The following TSHZ2 variants were observed in gnomAD, a reference collection of about 807,000 sequenced individuals.
TSHZ2 encodes the protein teashirt homolog 2.
Under a neutral mutation model 74.4 loss-of-function variants are expected in TSHZ2, and 21 were observed. The ratio of observed to expected loss-of-function variants is 0.28; its 90% CI spans 0.20 to 0.41. TSHZ2 has a LOEUF of 0.41. Among genes scored for constraint, TSHZ2 ranks in the 10% least tolerant of loss-of-function variants. The pLI is 1.00. For missense variants in TSHZ2, 1,244 were observed against 1,293.5 expected (o/e 0.96, Z 0.59); for synonymous variants, 540 against 515.3 (o/e 1.05, Z -0.65).
chr20:53,284,366 G>C (rs1991123399), intron 2 of TSHZ2, among the ~76,000 whole-genome samples: 1 of 152,164 alleles, frequency 6.6e-6, no homozygotes, highest in Non-Finnish European at 1.5e-5. Flanking sequence ...ACATAAATAT[G>C]CTGGCATAGC....
intron 1 of TSHZ2, among the ~76,000 whole-genome samples, chr20:53,193,692 C>T (rs1418878957): frequency 6.6e-6 from 1 of 152,206 alleles, no homozygotes; most frequent in Non-Finnish European, 1.5e-5. Flanking sequence ...TGGTCTACAG[C>T]CTGGCAGGGG....
At chr20:52,991,279 C>T (rs57480183) in intron 1 of TSHZ2, among the ~76,000 whole-genome samples, 2 of 111,792 alleles carry the variant, frequency 1.8e-5, no homozygotes, top group African/African-American at 3.6e-5. Flanking sequence ...TTTTCTGATG[C>T]ATGATTTTGT....
At chr20:53,238,740 T>C (rs1989995873) in intron 1 of TSHZ2, among the ~76,000 whole-genome samples, 1 of 151,656 alleles carries the variant, frequency 6.6e-6, no homozygotes, top group African/African-American at 2.4e-5. Context: ...AGAATCTCTG[T>C]TCTGTTGTCT....
intron 1 of TSHZ2, among the ~76,000 whole-genome samples, chr20:53,080,681 G>A (rs576585896): frequency 1.3e-5 from 2 of 152,294 alleles, no homozygotes; most frequent in African/African-American, 4.8e-5. Context: ...CCTGCTGACA[G>A]AAGGCAGAGT....
intron 1 of TSHZ2, among the ~76,000 whole-genome samples, chr20:53,211,127 C>T (rs186710320): frequency 6.6e-6 from 1 of 152,308 alleles, no homozygotes; most frequent in East Asian, 1.9e-4. Flanking sequence ...AAGCACATTA[C>T]TTGAATTGAG....
intron 2 of TSHZ2, among the ~76,000 whole-genome samples, chr20:53,308,387 C>G (rs895839791): frequency 6.6e-6 from 1 of 151,888 alleles, no homozygotes; most frequent in Non-Finnish European, 1.5e-5. Context: ...GTAATCCTGC[C>G]GTGTTGAAAG....
intron 1 of TSHZ2, among the ~76,000 whole-genome samples, chr20:53,080,212 C>T (rs1406319215): frequency 6.6e-6 from 1 of 152,174 alleles, no homozygotes; most frequent in African/African-American, 2.4e-5. Context: ...AATTGGTCTG[C>T]CCTTCCCTGG....
chr20:53,045,790 A>G (rs1984207935), intron 1 of TSHZ2, among the ~76,000 whole-genome samples: 1 of 152,216 alleles, frequency 6.6e-6, no homozygotes, highest in South Asian at 2.1e-4. Context: ...GAGAAAATCC[A>G]TATAAAGCAC....
chr20:52,978,049 G>A (rs1320568226), intron 1 of TSHZ2, among the ~76,000 whole-genome samples: 2 of 152,138 alleles, frequency 1.3e-5, no homozygotes, highest in South Asian at 2.1e-4. Context: ...TTAGGAGGTC[G>A]GTCCCTGAAG....
chr20:53,470,610 G>A (rs1021388630), intron 2 of TSHZ2, among the ~76,000 whole-genome samples: 7 of 152,062 alleles, frequency 4.6e-5, no homozygotes, highest in Non-Finnish European at 2.9e-5. Flanking sequence ...GAGGCCAGGA[G>A]TTCAAGAATC....
At chr20:53,140,569 G>C (rs1222785186) in intron 1 of TSHZ2, among the ~76,000 whole-genome samples, 2 of 149,384 alleles carry the variant, frequency 1.3e-5, no homozygotes, top group East Asian at 3.9e-4. Context: ...AAAAAAGAGG[G>C]ACAGTCACGA....
Position 53,004,698 on chromosome 20 carries a change from G to A in TSHZ2, c.40+31365G>A, listed in dbSNP as rs557793815. Among the ~76,000 whole-genome samples the A allele has an allele frequency of 5.3e-5, 8 of 152,234 alleles. No individual in the cohort carries two copies. In the South Asian group the frequency reaches 6.2e-4, roughly 12 times the overall value. On this transcript the variant is annotated intron_variant, in intron 1 of 2. Coordinates refer to ENST00000371497, the MANE Select transcript of TSHZ2 (RefSeq NM_173485.6). ...ACACAAAAGAAATGTGTGGGCGTCC[G>A]TGTGACATCACATGCCATAAAAGAC... is the stretch of plus-strand genomic sequence containing the variant.
chr20:53,219,940 A>G (rs1403242109), intron 1 of TSHZ2, among the ~76,000 whole-genome samples: 1 of 152,222 alleles, frequency 6.6e-6, no homozygotes, highest in Non-Finnish European at 1.5e-5. Flanking sequence ...TCGATTTTGC[A>G]AAAGGAAACT....
intron 1 of TSHZ2, among the ~76,000 whole-genome samples, chr20:53,025,832 A>G (rs2123046611): frequency 6.6e-6 from 1 of 152,256 alleles, no homozygotes; most frequent in East Asian, 1.9e-4. Flanking sequence ...ATTCTCTCCT[A>G]TTTATAGGAT....
In TSHZ2 at chr20:53,254,560, T is replaced by C. The variant is rs148279485; in HGVS notation, c.1102T>C (p.Tyr368His). The change falls in exon 2 of 3, where the codon TAC (tyrosine) becomes CAC (histidine). Residue 368 changes from tyrosine (Y) to histidine (H), a missense_variant. By Grantham distance (83) the Tyr-to-His change is moderately conservative. Transcript: ENST00000371497. ...NRYGYQNGAS[Y>H]TWQFEACKSQ... ...CTATGGCTACCAAAATGGAGCCAGCTACACCTGGCAGTTTGAGGCCTGCAA... is the reference window on the plus strand; with the variant it reads ...CTATGGCTACCAAAATGGAGCCAGCCACACCTGGCAGTTTGAGGCCTGCAA... 6.2e-7 allele frequency: 1 copy of C among 1,613,256 alleles called. No individual in the cohort carries two copies. The highest frequency in any genetic ancestry group is 8.5e-7 in the Non-Finnish European group (1 of 1,179,312).
intron 1 of TSHZ2, among the ~76,000 whole-genome samples, chr20:53,214,580 G>T (rs1358993984): frequency 6.6e-6 from 1 of 152,216 alleles, no homozygotes; most frequent in African/African-American, 2.4e-5. Flanking sequence ...AGGCATGGTG[G>T]CACGTGCCTT....
intron 2 of TSHZ2, among the ~76,000 whole-genome samples, chr20:53,471,866 G>C (rs1045337635): frequency 4.1e-5 from 6 of 146,520 alleles, no homozygotes; most frequent in Non-Finnish European, 8.9e-5. Flanking sequence ...GAGCACAATG[G>C]CATGATCTCG....
At chr20:53,123,086 C>G (rs1986856181) in intron 1 of TSHZ2, among the ~76,000 whole-genome samples, 1 of 152,218 alleles carries the variant, frequency 6.6e-6, no homozygotes, top group Admixed American at 6.5e-5. Context: ...AGTATCTCCT[C>G]ACTGTCACCA....
At chr20:53,030,748 G>A (rs1783251559) in intron 1 of TSHZ2, among the ~76,000 whole-genome samples, 2 of 152,194 alleles carry the variant, frequency 1.3e-5, no homozygotes, top group African/African-American at 2.4e-5. Flanking sequence ...ATCACCACTG[G>A]TAATATTTGG....
Sources: allele counts gnomAD v4.1 joint callset (sites outside exome capture counted in the v4.1 genomes callset), GRCh38; gene constraint gnomAD v4.1.1; transcripts MANE v1.5; gene names NCBI Gene and HGNC (gene_info 2026-07-23, HGNC 2026-07-21).